OSBPL10: variants seen among roughly 807,000 people sequenced by gnomAD.
The protein encoded by OSBPL10 is oxysterol binding protein like 10, also known as oxysterol-binding protein-related protein 10.
In OSBPL10, 49 loss-of-function variants were observed where a neutral mutation model predicts 81.7. The ratio of observed to expected loss-of-function variants is 0.60; its 90% CI spans 0.48 to 0.76. The LOEUF (loss-of-function observed/expected upper bound fraction) is 0.76. Ranked by LOEUF, OSBPL10 falls within the 30% of genes least tolerant of loss-of-function variation. The probability of loss-of-function intolerance (pLI) is 0.00; values close to 1 mark genes in which losing one functional copy is unlikely to be tolerated. For synonymous variants in OSBPL10, 419 were observed against 383.6 expected, an observed-to-expected ratio of 1.09 and a Z score of -1.08; for missense variants, 923 against 987.8, an observed-to-expected ratio of 0.93 and a Z score of 0.88.
At chr3:31,729,444 C>A (rs773408756) in intron 6 of OSBPL10, among the ~76,000 whole-genome samples, 1 of 152,126 alleles carries the variant, frequency 6.6e-6, no homozygotes, top group African/African-American at 2.4e-5. Flanking sequence ...TTGGAGGAGA[C>A]AGAGTCTTAC....
At chr3:32,013,046 G>C (rs1699275678) in intron 2 of OSBPL10, among the ~76,000 whole-genome samples, 1 of 152,140 alleles carries the variant, frequency 6.6e-6, no homozygotes, top group Non-Finnish European at 1.5e-5. Context: ...GAGGCAGAAA[G>C]TTAACAAGGA....
chr3:32,030,588 G>C (rs181947112), intron 2 of OSBPL10: 1 of 1,026,706 alleles, frequency 9.7e-7, no homozygotes, highest in Non-Finnish European at 1.5e-6. Flanking sequence ...TGAAGCGCCC[G>C]CCTGCTCCAC....
intron 2 of OSBPL10, among the ~76,000 whole-genome samples, chr3:32,007,231 C>T (rs1278638745): frequency 6.6e-6 from 1 of 152,156 alleles, no homozygotes; most frequent in Non-Finnish European, 1.5e-5. Flanking sequence ...ATTTGTCCTA[C>T]AAATATAATT....
chr3:31,958,572 T>C (rs575407880), intron 1 of OSBPL10, among the ~76,000 whole-genome samples: 16 of 152,260 alleles, frequency 1.1e-4, no homozygotes, highest in Non-Finnish European at 1.6e-4. Context: ...CCCATTTTTT[T>C]CCCAAAAAAA....
chr3:31,976,341 C>T (rs1698696537), intron 1 of OSBPL10, among the ~76,000 whole-genome samples: 1 of 152,172 alleles, frequency 6.6e-6, no homozygotes, highest in Non-Finnish European at 1.5e-5. Flanking sequence ...CCACATTTAG[C>T]AGAAGAGAAA....
rs1291423776 is a variant in OSBPL10 at position 32,062,077 on chromosome 3, T to C, written n.185+15319A>G. ...ATAAGGTTCTCTTTAATCTATGGTA[T>C]GGTTTATTGGTTTTTTGTTGTTGTT... On this transcript the variant is annotated intron_variant and non_coding_transcript_variant, in intron 1 of 3. Transcript: ENST00000479173. Among the ~76,000 whole-genome samples, 3 of 44,884 alleles carry C rather than the reference T, an allele frequency of 6.7e-5. 1 individual carries two copies. The highest frequency in any genetic ancestry group is 1.1e-4 in the African/African-American group (3 of 26,706). The allele number at this position is 44,884 out of a possible 152,430, so 29.4% of individuals were successfully genotyped here.
In OSBPL10 at chr3:32,036,049, AT is replaced by A. The variant is rs1043111674; in HGVS notation, n.298+10441del. Among the ~76,000 whole-genome samples, 20 of 152,160 alleles carry A rather than the reference AT, an allele frequency of 1.3e-4. No individual in the cohort carries two copies. In the East Asian group the frequency reaches 3.5e-3, roughly 26 times the overall value. Reference sequence around the variant, plus strand: ...ACTTCATTATGTATATTTTATCACAATTTAAAAAAATTTTTTTAGACAGGTT... The same window carrying A: ...ACTTCATTATGTATATTTTATCACAATTAAAAAAATTTTTTTAGACAGGTT... On this transcript the variant is annotated intron_variant and non_coding_transcript_variant, in intron 2 of 3. Transcript: ENST00000479173.
chr3:32,046,292 G>A (rs570216186), intron 2 of OSBPL10, among the ~76,000 whole-genome samples: 5 of 152,180 alleles, frequency 3.3e-5, no homozygotes, highest in South Asian at 4.2e-4. Flanking sequence ...AAAAATTGAC[G>A]CCCTCATCAA....
intron 4 of OSBPL10, among the ~76,000 whole-genome samples, chr3:31,815,297 C>A (rs1338746487): frequency 6.6e-6 from 1 of 152,156 alleles, no homozygotes; most frequent in Non-Finnish European, 1.5e-5. Flanking sequence ...TCCTGCCACA[C>A]CCAGACCAAA....
At chr3:31,878,259 T>C (rs2125635225) in intron 2 of OSBPL10, among the ~76,000 whole-genome samples, 1 of 152,376 alleles carries the variant, frequency 6.6e-6, no homozygotes, top group Non-Finnish European at 1.5e-5. Context: ...ATTTCTTTTG[T>C]ATGGGTTTGT....
At chr3:31,837,366 TATATATATAGTA>T (rs1490600350) in intron 3 of OSBPL10, among the ~76,000 whole-genome samples, 971 of 30,078 alleles carry the variant, frequency 0.032, 39 homozygotes, top group East Asian at 0.19. Flanking sequence ...TATATATATA[TATATATATAGTA>T]AGTAACATAA....
At chr3:31,798,356 G>C (rs978471167) in intron 4 of OSBPL10, among the ~76,000 whole-genome samples, 2 of 150,830 alleles carry the variant, frequency 1.3e-5, no homozygotes. Context: ...TTTGAACCTG[G>C]GAGGCAGAGG....
intron 1 of OSBPL10, among the ~76,000 whole-genome samples, chr3:31,957,877 G>A (rs147065141): frequency 1.3e-5 from 2 of 152,270 alleles, no homozygotes; most frequent in African/African-American, 4.8e-5. Context: ...CTGACCTCGT[G>A]ATCTGCCCAC....
intron 1 of OSBPL10, among the ~76,000 whole-genome samples, chr3:31,972,818 C>CA (rs1373490638): frequency 6.6e-6 from 1 of 152,166 alleles, no homozygotes; most frequent in African/African-American, 2.4e-5. Flanking sequence ...CTAAACCACA[C>CA]AAAAACATAA....
At chr3:31,793,326 T>G (rs72861312) in intron 4 of OSBPL10, among the ~76,000 whole-genome samples, 10,489 of 152,258 alleles carry the variant, frequency 0.069, 1,200 homozygotes, top group African/African-American at 0.24. Flanking sequence ...CTGTTGAAGT[T>G]TTCAGGACCA....
chr3:31,801,825 G>A (rs984143552), intron 4 of OSBPL10, among the ~76,000 whole-genome samples: 1 of 148,424 alleles, frequency 6.7e-6, no homozygotes. Flanking sequence ...TTCTTTTTTT[G>A]TTGTTTTTTT....
rs187490669 is a variant in OSBPL10, at chr3:31,754,115, T to C, written c.730-5995A>G. Among the ~76,000 whole-genome samples the C allele has an allele frequency of 2.8e-3, 425 of 151,956 alleles. 2 individuals are homozygous for C. Among genetic ancestry groups the C allele is most frequent in the Non-Finnish European group, 5.0e-3 (340 of 67,944 alleles). On this transcript the variant is annotated intron_variant, in intron 4 of 11. Transcript: ENST00000396556. ...CCTTCGCCCTTTAATTCCCAGCCTA[T>C]GTCTCTTGTTCTACACCTCCTGGCA... is the stretch of plus-strand genomic sequence containing the variant.
At chr3:31,667,768 A>T (rs1352275902) in intron 10 of OSBPL10, among the ~76,000 whole-genome samples, 2 of 152,254 alleles carry the variant, frequency 1.3e-5, no homozygotes. Flanking sequence ...TAAATGAATG[A>T]TCATGGCTGT....
chr3:31,937,778 C>T (rs181347026), intron 1 of OSBPL10, among the ~76,000 whole-genome samples: 2 of 152,234 alleles, frequency 1.3e-5, no homozygotes, highest in African/African-American at 4.8e-5. Context: ...TCCTTATTGC[C>T]CAAAGCTGTT....
Sources: allele counts gnomAD v4.1 joint callset (sites outside exome capture counted in the v4.1 genomes callset), GRCh38; gene constraint gnomAD v4.1.1; transcripts MANE v1.5; gene names NCBI Gene and HGNC (gene_info 2026-07-23, HGNC 2026-07-21).